HIVEP3: variants seen among roughly 807,000 people sequenced by gnomAD.
The protein encoded by HIVEP3 is transcription factor HIVEP3.
A neutral mutation model predicts 152.8 loss-of-function variants in HIVEP3; 49 were observed. The observed-to-expected ratio is 0.32, with a 90% CI of 0.26 to 0.41. The LOEUF (loss-of-function observed/expected upper bound fraction) is 0.41, where lower values mean the gene tolerates loss of function less well. Among genes scored for constraint, HIVEP3 ranks in the 10% least tolerant of loss-of-function variants. The pLI, the probability that HIVEP3 is intolerant of heterozygous loss-of-function variation, is 1.00. For missense variants in HIVEP3, 2,790 were observed against 3,103.3 expected (o/e 0.90, Z 2.40); for synonymous variants, 1,269 against 1,289.0 (o/e 0.98, Z 0.33).
intron 1 of HIVEP3, among the ~76,000 whole-genome samples, chr1:41,941,645 C>G (rs1346169652): frequency 6.6e-6 from 1 of 152,132 alleles, no homozygotes; most frequent in Non-Finnish European, 1.5e-5. Flanking sequence ...AGCAGGCCCA[C>G]TAGAGAAACA....
intron 1 of HIVEP3, among the ~76,000 whole-genome samples, chr1:41,783,363 C>T (rs1649165596): frequency 6.6e-6 from 1 of 152,168 alleles, no homozygotes; most frequent in African/African-American, 2.4e-5. Flanking sequence ...ATGAATCACA[C>T]ACTGACTCAA....
rs117022914 is a variant in HIVEP3 at position 41,679,448 on chromosome 1, G to C, written c.-721+21468C>G. Among the ~76,000 whole-genome samples, 124 of 152,314 alleles carry C rather than the reference G, an allele frequency of 8.1e-4. No homozygotes were observed. In the East Asian group the frequency reaches 0.014, roughly 18 times the overall value. On this transcript the variant is annotated intron_variant, in intron 2 of 8. Transcript: ENST00000372583. ...AGATCCTATCTCCCCAGTTGGGTGCGTGGGACTCATTTGCCTATACCTGCA... is the reference window on the plus strand; with the variant it reads ...AGATCCTATCTCCCCAGTTGGGTGCCTGGGACTCATTTGCCTATACCTGCA...
intron 1 of HIVEP3, among the ~76,000 whole-genome samples, chr1:41,890,614 G>A (rs948425481): frequency 6.6e-6 from 1 of 152,232 alleles, no homozygotes; most frequent in African/African-American, 2.4e-5. Context: ...CAAATGAGGA[G>A]CCTGAGGCTC....
chr1:41,615,689 G>C (rs546704652), intron 3 of HIVEP3, among the ~76,000 whole-genome samples: 20 of 152,160 alleles, frequency 1.3e-4, no homozygotes, highest in Non-Finnish European at 2.9e-4. Context: ...GTGGGGGCAG[G>C]GTAAACCCAG....
intron 2 of HIVEP3, among the ~76,000 whole-genome samples, chr1:41,643,664 C>T (rs1335452517): frequency 6.6e-6 from 1 of 152,158 alleles, no homozygotes; most frequent in Admixed American, 6.5e-5. Flanking sequence ...CTCCCAGAAC[C>T]CCTGATGGCC....
At chr1:41,893,255 C>G (rs1348128410) in intron 1 of HIVEP3, among the ~76,000 whole-genome samples, 8 of 152,072 alleles carry the variant, frequency 5.3e-5, no homozygotes, top group Admixed American at 5.2e-4. Context: ...CCTTCTCTGA[C>G]CATTGGTCTG....
intron 1 of HIVEP3, among the ~76,000 whole-genome samples, chr1:41,978,060 C>CT (rs908701047): frequency 1.3e-5 from 2 of 152,224 alleles, no homozygotes; most frequent in East Asian, 1.9e-4. Context: ...TTTATTCCTA[C>CT]TTTTTTTTCC....
At chr1:41,834,869 G>C (rs918496664) in intron 1 of HIVEP3, among the ~76,000 whole-genome samples, 2 of 152,142 alleles carry the variant, frequency 1.3e-5, no homozygotes, top group African/African-American at 2.4e-5. Context: ...TCCAAGCAGA[G>C]AGAACAGCAA....
chr1:42,025,566 C>T (rs565901742), intron 1 of HIVEP3, among the ~76,000 whole-genome samples: 6 of 152,250 alleles, frequency 3.9e-5, no homozygotes, highest in South Asian at 4.1e-4. Flanking sequence ...TTTCCCTGTA[C>T]GCTTTGTTAT....
chr1:41,582,386 G>C lies in HIVEP3; in HGVS notation c.2412C>G (p.Ser804Arg). The change falls in exon 4 of 9, where the codon AGC becomes AGG. Residue 804 changes from serine (S) to arginine (R), a missense_variant. Coordinates refer to ENST00000372583, the MANE Select transcript of HIVEP3 (RefSeq NM_024503.5). The surrounding 1 kb of genome is among the most constrained non-coding windows in gnomAD (Gnocchi z 4.7). ...SKEISVIQHT[S>R]SFEKSDSLEQ... ...CGAGAGAATCAGATTTCTCAAAGGA[G>C]CTGGTGTGCTGGATGACAGAAATTT... The C allele has an allele frequency of 6.2e-7, 1 of 1,614,212 alleles. No homozygotes were observed. Among genetic ancestry groups the C allele is most frequent in the South Asian group, 1.1e-5 (1 of 91,090 alleles).
At chr1:41,907,703 C>T (rs1644736225) in intron 1 of HIVEP3, among the ~76,000 whole-genome samples, 1 of 152,200 alleles carries the variant, frequency 6.6e-6, no homozygotes, top group Admixed American at 6.5e-5. Flanking sequence ...AGAAGTTACA[C>T]CAAGAAGTGA....
At chr1:41,684,017 GTC>G (rs1337471694) in intron 2 of HIVEP3, among the ~76,000 whole-genome samples, 8 of 152,194 alleles carry the variant, frequency 5.3e-5, no homozygotes, top group Non-Finnish European at 1.0e-4. Flanking sequence ...CCTTTGTCCT[GTC>G]TTCCAAAAGC....
chr1:41,821,286 G>A (rs1236048744), intron 1 of HIVEP3, among the ~76,000 whole-genome samples: 1 of 152,140 alleles, frequency 6.6e-6, no homozygotes, highest in Non-Finnish European at 1.5e-5. Context: ...TTAGATATTA[G>A]GGCTCCCATC....
At chr1:41,819,964 G>GTAAA (rs1642540886) in intron 1 of HIVEP3, among the ~76,000 whole-genome samples, 7 of 152,110 alleles carry the variant, frequency 4.6e-5, no homozygotes, top group Admixed American at 3.9e-4. Context: ...ACCTGCCATT[G>GTAAA]TAAAGCAAAA....
At chr1:41,938,192 AC>A (rs1419596493) in intron 1 of HIVEP3, among the ~76,000 whole-genome samples, 1 of 152,138 alleles carries the variant, frequency 6.6e-6, no homozygotes, top group Non-Finnish European at 1.5e-5. Context: ...TGAGTAGGTC[AC>A]CCCTGATATT....
intron 1 of HIVEP3, among the ~76,000 whole-genome samples, chr1:41,951,115 T>C (rs908475574): frequency 2.6e-5 from 4 of 152,228 alleles, no homozygotes; most frequent in Non-Finnish European, 5.9e-5. Context: ...TTAGAGAGTA[T>C]GGTGAGACAC....
At chr1:41,749,123 TCCAATAGGCTGCAGACAGTGAATGTCACC>T (rs1268510895) in intron 1 of HIVEP3, among the ~76,000 whole-genome samples, 1 of 152,086 alleles carries the variant, frequency 6.6e-6, no homozygotes, top group Non-Finnish European at 1.5e-5. Flanking sequence ...CTTCTAACCC[TCCAATAGGCTGCAGACAGTGAATGTCACC>T]CACTAGAAGG....
chr1:41,816,485 G>A (rs1373143676), intron 1 of HIVEP3, among the ~76,000 whole-genome samples: 2 of 152,112 alleles, frequency 1.3e-5, no homozygotes, highest in African/African-American at 4.8e-5. Flanking sequence ...TCAGGAGTTT[G>A]AGACCAGCCT....
At position 41,647,698 on chromosome 1, in the gene HIVEP3, C is replaced by T. The variant is rs546398613; in HGVS notation, c.-720-18751G>A. Among the ~76,000 whole-genome samples the T allele has an allele frequency of 3.3e-5, 5 of 152,370 alleles. No homozygotes were observed. In the East Asian group the frequency reaches 9.6e-4, roughly 29 times the overall value. ...GGGGCTGGGCCTGGTCACCTCATTT[C>T]CACACCACTGTAGTGAGCTTGGAGT... On this transcript the variant is annotated intron_variant, in intron 2 of 8. Transcript: ENST00000372583.
Sources: allele counts gnomAD v4.1 joint callset (sites outside exome capture counted in the v4.1 genomes callset), GRCh38; gene constraint gnomAD v4.1.1; non-coding constraint Gnocchi (gnomAD v3.1); transcripts MANE v1.5; gene names NCBI Gene and HGNC (gene_info 2026-07-23, HGNC 2026-07-21).